Variants in FAF1 observed in about 807,000 individuals in gnomAD.
FAF1 encodes the protein Fas associated factor 1, also known as FAS-associated factor 1.
Under a neutral mutation model 92.5 loss-of-function variants are expected in FAF1, and 25 were observed. The observed-to-expected ratio is 0.27, with a 90% CI of 0.20 to 0.38. FAF1 has a LOEUF of 0.38. Among genes scored for constraint, FAF1 ranks in the 10% least tolerant of loss-of-function variants. The pLI is 1.00. For synonymous variants in FAF1, 234 were observed against 273.2 expected (o/e 0.86, Z 1.42); for missense variants, 636 against 793.3 (o/e 0.80, Z 2.38).
intron 1 of FAF1, among the ~76,000 whole-genome samples, chr1:50,912,324 C>G: frequency 6.6e-6 from 1 of 152,190 alleles, no homozygotes; most frequent in East Asian, 1.9e-4. Context: ...TCTCAGACTA[C>G]TGAATCAGAC....
At chr1:50,825,365 AG>A (rs1455889080) in intron 2 of FAF1, among the ~76,000 whole-genome samples, 2 of 152,054 alleles carry the variant, frequency 1.3e-5, no homozygotes, top group African/African-American at 4.8e-5. Flanking sequence ...TACTAACAAA[AG>A]TTTTGTATCT....
chr1:50,697,612 T>G (rs929576246), intron 7 of FAF1, among the ~76,000 whole-genome samples: 1 of 152,176 alleles, frequency 6.6e-6, no homozygotes, highest in Non-Finnish European at 1.5e-5. Flanking sequence ...GAAAAGTCAG[T>G]GTCAAAATTA....
intron 13 of FAF1, among the ~76,000 whole-genome samples, chr1:50,561,556 A>G (rs1042770869): frequency 4.4e-4 from 67 of 152,168 alleles, no homozygotes; most frequent in Admixed American, 1.3e-3. Context: ...GGCCGGGCGC[A>G]GGGGCTCATG....
intron 7 of FAF1, among the ~76,000 whole-genome samples, chr1:50,656,512 C>A (rs369495877): frequency 6.6e-6 from 1 of 152,142 alleles, no homozygotes; most frequent in East Asian, 1.9e-4. Context: ...CAACATTATA[C>A]CTTTTACTTT....
intron 4 of FAF1, among the ~76,000 whole-genome samples, chr1:50,749,061 A>G (rs550214502): frequency 6.6e-6 from 1 of 152,352 alleles, no homozygotes; most frequent in South Asian, 2.1e-4. Context: ...CAAAAACTTT[A>G]ATCAATCTTG....
chr1:50,649,944 G>A (rs1235519102), intron 8 of FAF1, among the ~76,000 whole-genome samples: 2 of 151,406 alleles, frequency 1.3e-5, no homozygotes, highest in Admixed American at 1.3e-4. Flanking sequence ...TAGCCTGGGG[G>A]TGACAGAGTA....
At chr1:50,641,336 C>T (rs1453639924) in intron 8 of FAF1, among the ~76,000 whole-genome samples, 4 of 152,064 alleles carry the variant, frequency 2.6e-5, no homozygotes, top group Non-Finnish European at 5.9e-5. Context: ...ACTATGAATT[C>T]TCCTCTAAGC....
chr1:50,921,993 C>G lies in FAF1; in HGVS notation c.45+37774G>C, dbSNP rs145356587. ...ACCAGCCCGGCTAACATGGTGAAACCCCGTCTCCACTAAAAACACAAAATT... is the reference window on the plus strand; with the variant it reads ...ACCAGCCCGGCTAACATGGTGAAACGCCGTCTCCACTAAAAACACAAAATT... On this transcript the variant is annotated intron_variant, in intron 1 of 18. Transcript: ENST00000396153. Among the ~76,000 whole-genome samples the G allele has an allele frequency of 7.7e-4, 117 of 151,334 alleles. 3 individuals carry two copies. The East Asian group carries it at 0.022, about 28-fold the overall frequency.
chr1:50,561,878 G>GAAGGAAGT (rs1649928697), intron 13 of FAF1, among the ~76,000 whole-genome samples: 1 of 147,616 alleles, frequency 6.8e-6, no homozygotes, highest in South Asian at 2.1e-4. Context: ...AGGAAGGAAG[G>GAAGGAAGT]AAGGAAGGAA....
At chr1:50,946,718 T>TA (rs1645174690) in intron 1 of FAF1, among the ~76,000 whole-genome samples, 1 of 152,222 alleles carries the variant, frequency 6.6e-6, no homozygotes, top group Non-Finnish European at 1.5e-5. Flanking sequence ...GCAATATTAG[T>TA]AGTCAAAGTA....
intron 1 of FAF1, among the ~76,000 whole-genome samples, chr1:50,937,899 G>A (rs1212140213): frequency 3.9e-5 from 6 of 152,038 alleles, no homozygotes; most frequent in Admixed American, 6.6e-5. Flanking sequence ...AAACCATGTC[G>A]GGTAATATGT....
At position 50,672,038 on chromosome 1, in the gene FAF1, T is replaced by C. The variant is rs866685739; in HGVS notation, c.658-16510A>G. Among the ~76,000 whole-genome samples, 4 of 149,580 alleles carry C rather than the reference T, an allele frequency of 2.7e-5. No individual in the cohort carries two copies. In the South Asian group the frequency reaches 6.3e-4, roughly 24 times the overall value. ...GTCTTTCTTTTTTTTTTTTTTATTA[T>C]TTATTTACTTATTTATTTATTTTTT... On this transcript the variant is annotated intron_variant, in intron 7 of 18. Coordinates refer to ENST00000396153, the MANE Select transcript of FAF1 (RefSeq NM_007051.3).
chr1:50,884,851 T>C (rs2124692590), intron 1 of FAF1, among the ~76,000 whole-genome samples: 1 of 152,328 alleles, frequency 6.6e-6, no homozygotes, highest in Non-Finnish European at 1.5e-5. Flanking sequence ...TTGGTATTCG[T>C]TCTTCTTTAT....
intron 8 of FAF1, among the ~76,000 whole-genome samples, chr1:50,616,254 T>C (rs1025061394): frequency 1.3e-5 from 2 of 152,222 alleles, no homozygotes; most frequent in African/African-American, 4.8e-5. Context: ...TTGGTTACTG[T>C]AGCCTTACAC....
At chr1:50,709,814 T>C (rs1288811794) in intron 6 of FAF1, among the ~76,000 whole-genome samples, 1 of 152,204 alleles carries the variant, frequency 6.6e-6, no homozygotes, top group Non-Finnish European at 1.5e-5. Flanking sequence ...GAATAAAAGA[T>C]AGAAATCACT....
intron 4 of FAF1, among the ~76,000 whole-genome samples, chr1:50,760,003 G>T (rs1660257868): frequency 6.6e-6 from 1 of 151,996 alleles, no homozygotes; most frequent in Admixed American, 6.6e-5. Context: ...GGGGTTGTTT[G>T]TTTTTTTCTT....
intron 8 of FAF1, among the ~76,000 whole-genome samples, chr1:50,637,681 A>ATATGTGTGTGTGTGTGTG (rs1553123409): frequency 3.6e-4 from 50 of 137,156 alleles, no homozygotes; most frequent in Middle Eastern, 3.8e-3. Flanking sequence ...ACATATATAT[A>ATATGTGTGTGTGTGTGTG]TGTGTGTGTG....
chr1:50,644,713 T>A (rs1293346140), intron 8 of FAF1, among the ~76,000 whole-genome samples: 1 of 152,254 alleles, frequency 6.6e-6, no homozygotes, highest in African/African-American at 2.4e-5. Flanking sequence ...TTGGCTAATA[T>A]CTGAAAACAG....
chr1:50,817,900 T>C (rs1357652582), intron 2 of FAF1, among the ~76,000 whole-genome samples: 2 of 152,140 alleles, frequency 1.3e-5, no homozygotes, highest in African/African-American at 4.8e-5. Context: ...ACAAAATATT[T>C]TCAATAGTAC....
Sources: allele counts gnomAD v4.1 joint callset (sites outside exome capture counted in the v4.1 genomes callset), GRCh38; gene constraint gnomAD v4.1.1; transcripts MANE v1.5; gene names NCBI Gene and HGNC (gene_info 2026-07-23, HGNC 2026-07-21).